Variants in TMEM72 observed in about 807,000 individuals in gnomAD.
The protein encoded by TMEM72 is transmembrane protein 72, also known as kidney-specific secretory protein of 37 kDa.
TMEM72 carries 9 observed loss-of-function variants against 16.3 expected under a neutral mutation model. The observed-to-expected ratio is 0.55, with a 90% confidence interval of 0.33 to 0.96. TMEM72 has a LOEUF of 0.96. Ranked by LOEUF, TMEM72 falls within the 40% of genes least tolerant of loss-of-function variation. The pLI is 0.03. For missense variants in TMEM72, 324 were observed against 337.8 expected (o/e 0.96, Z 0.32); for synonymous variants, 160 against 146.5 (o/e 1.09, Z -0.66).
chr10:44,928,760 A>G (rs1840243046), intron 2 of TMEM72, among the ~76,000 whole-genome samples: 1 of 120,724 alleles, frequency 8.3e-6, no homozygotes, highest in African/African-American at 3.3e-5. Context: ...CTATCTATCT[A>G]CCCATCTATC....
chr10:44,933,724 G>A lies in TMEM72; in HGVS notation c.297G>A (p.Leu99=), dbSNP rs768358660. Residue 99 remains leucine (L), a synonymous_variant, in exon 4 of 5, where the codon CTG becomes CTA. Coordinates refer to ENST00000389583, the MANE Select transcript of TMEM72 (RefSeq NM_001123376.3). ...AGAAGTTCCTGGCCTACCTGCTGCT[G>A]TCGGTGGCCTGCTTCCTCCACCCGG... is the stretch of plus-strand genomic sequence containing the variant. ...CFQKFLAYLL[L]SVACFLHPVL... 1 of 1,614,130 alleles carries A rather than the reference G, an allele frequency of 6.2e-7. No homozygotes were observed. Among genetic ancestry groups the A allele is most frequent in the Non-Finnish European group, 8.5e-7 (1 of 1,179,990 alleles).
At chr10:44,932,161 C>T in intron 3 of TMEM72, 92 bp downstream of exon 3, 2 of 1,440,704 alleles carry the variant, frequency 1.4e-6, no homozygotes, top group Non-Finnish European at 9.5e-7. Context: ...CAGGGGATGT[C>T]CTGCTCCTGA....
At chr10:44,922,056 A>G (rs955093452) in intron 1 of TMEM72, among the ~76,000 whole-genome samples, 18 of 152,176 alleles carry the variant, frequency 1.2e-4, no homozygotes, top group Non-Finnish European at 2.5e-4. Flanking sequence ...GTGCCTCCCT[A>G]ATTTTGAGCC....
intron 2 of TMEM72, among the ~76,000 whole-genome samples, chr10:44,930,924 C>G (rs1344230508): frequency 6.6e-6 from 1 of 152,232 alleles, no homozygotes; most frequent in Non-Finnish European, 1.5e-5. Flanking sequence ...TCTGAGGAAA[C>G]CCTGACCCCA....
chr10:44,915,280 T>C (rs952282565), intron 1 of TMEM72, among the ~76,000 whole-genome samples: 3 of 152,176 alleles, frequency 2.0e-5, no homozygotes, highest in African/African-American at 7.2e-5. Flanking sequence ...TGAACATGAT[T>C]ATTTGAGTAT....
At chr10:44,921,100 T>C (rs552759911) in intron 1 of TMEM72, among the ~76,000 whole-genome samples, 1 of 152,198 alleles carries the variant, frequency 6.6e-6, no homozygotes, top group Admixed American at 6.5e-5. Flanking sequence ...AGAAAGTTCT[T>C]GTACCAAGGT....
chr10:44,932,743 C>G (rs1211265496), intron 3 of TMEM72, among the ~76,000 whole-genome samples: 1 of 152,244 alleles, frequency 6.6e-6, no homozygotes, highest in African/African-American at 2.4e-5. Context: ...AGGCAGAAAG[C>G]TTTCCCCTTT....
intron 1 of TMEM72, among the ~76,000 whole-genome samples, chr10:44,916,049 G>A (rs1396928947): frequency 6.6e-6 from 1 of 152,188 alleles, no homozygotes; most frequent in African/African-American, 2.4e-5. Context: ...TGAGGAAACT[G>A]AAGCTCAGAA....
chr10:44,914,050 T>C (rs891822189), intron 1 of TMEM72, among the ~76,000 whole-genome samples: 3 of 152,168 alleles, frequency 2.0e-5, no homozygotes, highest in African/African-American at 7.2e-5. Flanking sequence ...GCAGACAGGA[T>C]CAGGGCTGTC....
At chr10:44,924,530 C>G (rs527380770) in intron 1 of TMEM72, among the ~76,000 whole-genome samples, 1 of 152,344 alleles carries the variant, frequency 6.6e-6, no homozygotes, top group South Asian at 2.1e-4. Context: ...GAGCCGCCCC[C>G]CAAGGAGGGT....
chr10:44,935,202 T>C lies in TMEM72; in HGVS notation c.*68T>C. ...TAGCTCAATGGCCCTCCCTGGAGTT[T>C]CAGGGTCTTCTCTGGTCAGCTTTTC... On this transcript the variant is annotated 3_prime_UTR_variant, in exon 5 of 5. Transcript: ENST00000389583. The C allele has an allele frequency of 1.4e-6, 2 of 1,447,892 alleles. No individual in the cohort carries two copies. The highest frequency in any genetic ancestry group is 1.9e-6 in the Non-Finnish European group (2 of 1,076,302). 89.7% of individuals were successfully genotyped at this position (1,447,892 alleles called of 1,614,324 possible). A position where few individuals can be genotyped will look rare whatever the true frequency, so the allele number is the denominator to read the frequency against.
rs552499435 is a variant in TMEM72, at chr10:44,934,829, C to T, written c.523C>T (p.Leu175Phe). 1.2e-6 allele frequency: 2 copies of T among 1,613,606 alleles called. No homozygotes were observed. The highest frequency in any genetic ancestry group is 1.7e-6 in the Non-Finnish European group (2 of 1,179,982). The change falls in exon 5 of 5, where the codon CTC becomes TTC. Residue 175 changes from leucine to phenylalanine, a missense_variant. Leu to Phe is a conservative substitution (Grantham distance 22, BLOSUM62 0). Coordinates refer to ENST00000389583, the MANE Select transcript of TMEM72 (RefSeq NM_001123376.3). ...TEQTYTFHGA[L>F]KEGPSSLFIH... ...GCAAACCTACACTTTCCATGGGGCC[C>T]TCAAGGAGGGGCCCAGCTCCCTTTT...
rs532787065 is a variant in TMEM72, at chr10:44,915,203, C to T, written c.70+3621C>T. 5.9e-5 allele frequency among the ~76,000 whole-genome samples: 9 copies of T among 152,324 alleles called. 1 individual carries two copies. The highest frequency in any genetic ancestry group is 2.6e-4 in the Admixed American group (4 of 15,312). On this transcript the variant is annotated intron_variant, in intron 1 of 4. Coordinates refer to ENST00000389583, the MANE Select transcript of TMEM72 (RefSeq NM_001123376.3). ...GCAAAGAGGCTCCAGCTTGAGGCCC[C>T]ACTGCCCCATCTCCAGGGCTGAATT...
chr10:44,919,705 C>A (rs1840064508), intron 1 of TMEM72, among the ~76,000 whole-genome samples: 1 of 152,182 alleles, frequency 6.6e-6, no homozygotes, highest in African/African-American at 2.4e-5. Flanking sequence ...CATCAGTTCT[C>A]CCCCAAATTG....
chr10:44,923,909 C>A (rs1564435294), intron 1 of TMEM72, among the ~76,000 whole-genome samples: 1 of 152,212 alleles, frequency 6.6e-6, no homozygotes, highest in Non-Finnish European at 1.5e-5. Flanking sequence ...CTGCACCACA[C>A]CACCAGGAGC....
At chr10:44,929,171 T>G (rs1160353263) in intron 2 of TMEM72, among the ~76,000 whole-genome samples, 1 of 152,140 alleles carries the variant, frequency 6.6e-6, no homozygotes, top group Non-Finnish European at 1.5e-5. Flanking sequence ...ACAATGTCTT[T>G]TCTTCTCCAC....
At chr10:44,934,305 C>T (rs773746446) in intron 4 of TMEM72, among the ~76,000 whole-genome samples, 5 of 152,190 alleles carry the variant, frequency 3.3e-5, no homozygotes, top group African/African-American at 7.2e-5. Flanking sequence ...GTTTCATCCA[C>T]GACCTTTTCT....
chr10:44,929,540 C>G (rs1840260444), intron 2 of TMEM72, among the ~76,000 whole-genome samples: 1 of 152,242 alleles, frequency 6.6e-6, no homozygotes, highest in Non-Finnish European at 1.5e-5. Context: ...CCTCCCGCCT[C>G]AGGGCAGGCC....
chr10:44,916,795 A>G (rs927570778), intron 1 of TMEM72, among the ~76,000 whole-genome samples: 1 of 152,056 alleles, frequency 6.6e-6, no homozygotes, highest in African/African-American at 2.4e-5. Flanking sequence ...ATTTGGTTCA[A>G]ACATTTCTTT....
Sources: gnomAD v4.1 joint callset for allele counts (sites outside exome capture counted in the v4.1 genomes callset) on GRCh38, gnomAD v4.1.1 for gene constraint, MANE v1.5 for transcripts, NCBI Gene and HGNC (gene_info 2026-07-23, HGNC 2026-07-21) for gene names.